PRKAR2A: variants seen among roughly 807,000 people sequenced by gnomAD.
PRKAR2A encodes protein kinase cAMP-dependent type II regulatory subunit alpha.
A neutral mutation model predicts 51.9 loss-of-function variants in PRKAR2A; 29 were observed. The observed-to-expected ratio is 0.56, with a 90% CI of 0.42 to 0.76. The LOEUF (loss-of-function observed/expected upper bound fraction) is 0.76. Ranked by LOEUF, PRKAR2A falls within the 30% of genes least tolerant of loss-of-function variation. The pLI, the probability that PRKAR2A is intolerant of heterozygous loss-of-function variation, is 0.00. For missense variants in PRKAR2A, 445 were observed against 512.1 expected, an observed-to-expected ratio of 0.87 and a Z score of 1.26; for synonymous variants, 178 against 186.2, an observed-to-expected ratio of 0.96 and a Z score of 0.36.
At chr3:48,792,466 T>A (rs1243271943) in intron 3 of PRKAR2A, among the ~76,000 whole-genome samples, 1 of 131,376 alleles carries the variant, frequency 7.6e-6, no homozygotes. Context: ...TTTTTTTTTT[T>A]TTTTTTTTTT....
chr3:48,814,710 A>G (rs2082844762), intron 1 of PRKAR2A, among the ~76,000 whole-genome samples: 1 of 152,214 alleles, frequency 6.6e-6, no homozygotes, highest in Non-Finnish European at 1.5e-5. Context: ...TCATAGAATC[A>G]GAGGAGTTCA....
chr3:48,756,536 T>C (rs1362495813), intron 8 of PRKAR2A, 92 bp from the exon 9 acceptor site: 1 of 926,114 alleles, frequency 1.1e-6, no homozygotes, highest in Non-Finnish European at 1.7e-6. Flanking sequence ...AGCTCTGATT[T>C]GTATTTATTT....
intron 4 of PRKAR2A, among the ~76,000 whole-genome samples, chr3:48,789,447 T>C (rs1013004178): frequency 6.6e-6 from 1 of 152,142 alleles, no homozygotes; most frequent in Non-Finnish European, 1.5e-5. Flanking sequence ...AATTTCTTTT[T>C]CCTTCTTCAC....
intron 1 of PRKAR2A, among the ~76,000 whole-genome samples, chr3:48,835,731 G>A (rs1440942807): frequency 2.0e-5 from 3 of 150,950 alleles, no homozygotes; most frequent in Non-Finnish European, 2.9e-5. Context: ...GGAGGCTGCA[G>A]TGAGCCAATC....
chr3:48,751,023 A>G lies in PRKAR2A; in HGVS notation c.*562T>C, dbSNP rs1484177146. On this transcript the variant is annotated 3_prime_UTR_variant, in exon 11 of 11. Transcript: ENST00000265563. ...CTGTAATGTGTGCAGCTGTCAGCAG[A>G]AAGTACAATGCCACTGGGCTACATA... is the stretch of plus-strand genomic sequence containing the variant. 1 of 311,960 alleles carries G rather than the reference A, an allele frequency of 3.2e-6. No individual in the cohort carries two copies. The highest frequency in any genetic ancestry group is 6.3e-6 in the Non-Finnish European group (1 of 159,578). The allele number at this position is 311,960 out of a possible 1,614,324, so 19.3% of individuals were successfully genotyped here. A position where few individuals can be genotyped will look rare whatever the true frequency, so the allele number is the denominator to read the frequency against.
chr3:48,802,288 C>A (rs999658571), intron 2 of PRKAR2A, among the ~76,000 whole-genome samples: 2 of 152,066 alleles, frequency 1.3e-5, no homozygotes, highest in Non-Finnish European at 2.9e-5. Context: ...GTGATCCACT[C>A]GCCTTGGCCT....
In PRKAR2A at chr3:48,747,475, G is replaced by A. The variant is rs1420593733; in HGVS notation, c.*4110C>T. 6.6e-6 allele frequency: 1 copy of A among 152,132 alleles called. No homozygotes were observed. Among genetic ancestry groups the A allele is most frequent in the East Asian group, 1.9e-4 (1 of 5,190 alleles). 9.4% of individuals were successfully genotyped at this position (152,132 alleles called of 1,614,324 possible). Reference sequence around the variant, plus strand: ...GTGCAGAGAAAACGGGCAATCAGAGGATAAACATAACCTCTCCTGGCTGGA... The same window carrying A: ...GTGCAGAGAAAACGGGCAATCAGAGAATAAACATAACCTCTCCTGGCTGGA... On this transcript the variant is annotated 3_prime_UTR_variant, in exon 11 of 11. Coordinates refer to ENST00000265563, the MANE Select transcript of PRKAR2A (RefSeq NM_004157.4).
intron 3 of PRKAR2A, among the ~76,000 whole-genome samples, chr3:48,791,130 T>C (rs911883448): frequency 4.7e-5 from 7 of 150,096 alleles, no homozygotes; most frequent in Admixed American, 1.3e-4. Flanking sequence ...TTACTAAAAA[T>C]AGAAAAATTA....
chr3:48,813,626 G>A (rs530731849), intron 1 of PRKAR2A, among the ~76,000 whole-genome samples: 7 of 151,998 alleles, frequency 4.6e-5, no homozygotes, highest in East Asian at 3.9e-4. Context: ...CCCGGGAGGC[G>A]GAGGTTGCAG....
chr3:48,818,575 C>A (rs1350518307), intron 1 of PRKAR2A, among the ~76,000 whole-genome samples: 1 of 152,036 alleles, frequency 6.6e-6, no homozygotes, highest in Non-Finnish European at 1.5e-5. Flanking sequence ...CAGAGTGAGA[C>A]CCTGTCTCTA....
chr3:48,779,501 C>A (rs1249699752), intron 5 of PRKAR2A, among the ~76,000 whole-genome samples: 1 of 151,720 alleles, frequency 6.6e-6, no homozygotes, highest in Non-Finnish European at 1.5e-5. Flanking sequence ...TAAATATAGA[C>A]CTGGCATGGT....
intron 1 of PRKAR2A, among the ~76,000 whole-genome samples, chr3:48,811,038 G>T (rs187947151): frequency 5.9e-5 from 9 of 152,072 alleles, no homozygotes; most frequent in Middle Eastern, 3.4e-3. Flanking sequence ...AATTAGTCAG[G>T]CGAGGTGGCA....
chr3:48,820,027 G>A (rs549456802), intron 1 of PRKAR2A, among the ~76,000 whole-genome samples: 2 of 152,272 alleles, frequency 1.3e-5, no homozygotes, highest in South Asian at 4.1e-4. Flanking sequence ...GCAAATCAGT[G>A]TTCTTAAGCA....
At chr3:48,837,209 A>G (rs1274952519) in intron 1 of PRKAR2A, among the ~76,000 whole-genome samples, 2 of 152,104 alleles carry the variant, frequency 1.3e-5, no homozygotes, top group Non-Finnish European at 2.9e-5. Flanking sequence ...CCAGGAGCCC[A>G]GCTATGGTGG....
intron 1 of PRKAR2A, among the ~76,000 whole-genome samples, chr3:48,808,932 G>A (rs1199657791): frequency 2.1e-5 from 2 of 94,310 alleles, no homozygotes; most frequent in African/African-American, 4.4e-5. Flanking sequence ...GTGAGCCACC[G>A]TGCCTGGCCT....
chr3:48,833,502 G>A (rs1453875167), intron 1 of PRKAR2A, among the ~76,000 whole-genome samples: 4 of 151,722 alleles, frequency 2.6e-5, no homozygotes, highest in African/African-American at 9.7e-5. Flanking sequence ...GAGGTCAGGA[G>A]TTCAAGACCA....
chr3:48,772,477 G>A (rs2082042827), intron 6 of PRKAR2A, among the ~76,000 whole-genome samples: 1 of 152,236 alleles, frequency 6.6e-6, no homozygotes, highest in African/African-American at 2.4e-5. Flanking sequence ...CAAGTGCTGG[G>A]ATTACAGGTG....
intron 6 of PRKAR2A, among the ~76,000 whole-genome samples, chr3:48,768,342 T>G (rs923552879): frequency 1.3e-5 from 2 of 148,866 alleles, no homozygotes; most frequent in Non-Finnish European, 3.0e-5. Flanking sequence ...GATAGATAGA[T>G]ATAGACAGAC....
At chr3:48,832,467 A>C (rs955837462) in intron 1 of PRKAR2A, among the ~76,000 whole-genome samples, 1 of 152,158 alleles carries the variant, frequency 6.6e-6, no homozygotes, top group Admixed American at 6.6e-5. Flanking sequence ...GCCTCTGAAC[A>C]CGCACATTTT....
Sources: gnomAD v4.1 joint callset for allele counts (sites outside exome capture counted in the v4.1 genomes callset) on GRCh38, gnomAD v4.1.1 for gene constraint, MANE v1.5 for transcripts, NCBI Gene and HGNC (gene_info 2026-07-23, HGNC 2026-07-21) for gene names.